Variants in GNAQ observed in about 807,000 individuals in gnomAD.
GNAQ encodes the protein G protein subunit alpha q.
In GNAQ, 8 loss-of-function variants were observed where a neutral mutation model predicts 43.9. That is an observed-to-expected ratio of 0.18 (90% CI 0.11 to 0.33). The LOEUF (loss-of-function observed/expected upper bound fraction) is 0.33, where lower values mean the gene tolerates loss of function less well. GNAQ is among the 10% of genes least tolerant of loss of function. The probability of loss-of-function intolerance (pLI) is 1.00; values close to 1 mark genes in which losing one functional copy is unlikely to be tolerated. For missense variants in GNAQ, 158 were observed against 450.8 expected (o/e 0.35, Z 5.88); for synonymous variants, 155 against 170.7 (o/e 0.91, Z 0.71).
At chr9:77,890,895 C>T (rs1828395450) in intron 2 of GNAQ, among the ~76,000 whole-genome samples, 1 of 152,102 alleles carries the variant, frequency 6.6e-6, no homozygotes, top group South Asian at 2.1e-4. Context: ...GCCTACAATC[C>T]CAGTAGGAGG....
intron 2 of GNAQ, among the ~76,000 whole-genome samples, chr9:77,851,904 T>C (rs1827679897): frequency 6.6e-6 from 1 of 152,232 alleles, no homozygotes; most frequent in Non-Finnish European, 1.5e-5. Context: ...TTATTTTTGC[T>C]GGCTTGAAAG....
chr9:77,910,509 T>C (rs1417232492), intron 2 of GNAQ, among the ~76,000 whole-genome samples: 1 of 152,216 alleles, frequency 6.6e-6, no homozygotes, highest in Non-Finnish European at 1.5e-5. Flanking sequence ...TTTTATATGG[T>C]GGCTGTCAAT....
chr9:77,891,201 TCATA>T (rs1279337575), intron 2 of GNAQ, among the ~76,000 whole-genome samples: 2 of 152,206 alleles, frequency 1.3e-5, no homozygotes, highest in Non-Finnish European at 2.9e-5. Context: ...TTATATATCC[TCATA>T]CATATTCTCA....
intron 2 of GNAQ, among the ~76,000 whole-genome samples, chr9:77,850,203 A>T (rs1443763432): frequency 6.6e-6 from 1 of 152,130 alleles, no homozygotes; most frequent in Non-Finnish European, 1.5e-5. Context: ...ACTACCCCTC[A>T]GAAGCTGGTT....
At chr9:77,994,730 C>T (rs978047008) in intron 1 of GNAQ, among the ~76,000 whole-genome samples, 1 of 152,192 alleles carries the variant, frequency 6.6e-6, no homozygotes, top group African/African-American at 2.4e-5. Context: ...CTTACTTTTA[C>T]TTCATTCGCC....
chr9:77,999,363 C>G (rs960627069), intron 1 of GNAQ, among the ~76,000 whole-genome samples: 7 of 152,174 alleles, frequency 4.6e-5, no homozygotes, highest in African/African-American at 1.7e-4. Context: ...TATTTAAATA[C>G]TTCCCCTCTC....
At chr9:77,949,360 T>C (rs1456227231) in intron 1 of GNAQ, among the ~76,000 whole-genome samples, 2 of 152,108 alleles carry the variant, frequency 1.3e-5, no homozygotes, top group Non-Finnish European at 2.9e-5. Flanking sequence ...GTGAGACAGA[T>C]TGTCACAGCA....
intron 1 of GNAQ, among the ~76,000 whole-genome samples, chr9:77,924,839 T>C (rs1829045432): frequency 6.6e-6 from 1 of 152,068 alleles, no homozygotes; most frequent in African/African-American, 2.4e-5. Context: ...CCAGGGATCC[T>C]TTCTCAACCA....
intron 1 of GNAQ, among the ~76,000 whole-genome samples, chr9:78,016,128 A>G (rs925378995): frequency 2.0e-5 from 3 of 152,212 alleles, no homozygotes; most frequent in African/African-American, 7.2e-5. Flanking sequence ...ACCTAAAACT[A>G]CAAAACTCTT....
At chr9:77,942,396 T>C (rs1366541978) in intron 1 of GNAQ, among the ~76,000 whole-genome samples, 3 of 152,220 alleles carry the variant, frequency 2.0e-5, no homozygotes, top group Admixed American at 2.0e-4. Context: ...TAGCAGAACA[T>C]GTTTTGGGTT....
At chr9:77,740,894 C>T (rs1323212543) in intron 5 of GNAQ, among the ~76,000 whole-genome samples, 1 of 152,096 alleles carries the variant, frequency 6.6e-6, no homozygotes, top group Admixed American at 6.5e-5. Context: ...GTAAATATTC[C>T]AGTTTGTTGG....
intron 5 of GNAQ, among the ~76,000 whole-genome samples, chr9:77,730,701 T>C (rs1281293196): frequency 6.6e-6 from 1 of 152,240 alleles, no homozygotes; most frequent in Non-Finnish European, 1.5e-5. Flanking sequence ...CATACATTTC[T>C]CTTTTATATA....
Position 77,721,176 on chromosome 9 carries a change from C to T in GNAQ, c.*147G>A. ...AGTTTAAATAAAATCATAATATTTA[C>T]TACAAACTCTGTGGACACGCTCACA... On this transcript the variant is annotated 3_prime_UTR_variant, in exon 7 of 7. Coordinates refer to ENST00000286548, the MANE Select transcript of GNAQ (RefSeq NM_002072.5). 1 of 556,660 alleles carries T rather than the reference C, an allele frequency of 1.8e-6. No homozygotes were observed. The highest frequency in any genetic ancestry group is 2.6e-5 in the South Asian group (1 of 38,426). 34.5% of individuals were successfully genotyped at this position (556,660 alleles called of 1,614,324 possible).
intron 6 of GNAQ, among the ~76,000 whole-genome samples, chr9:77,722,616 G>A (rs1322193699): frequency 6.7e-6 from 1 of 149,496 alleles, no homozygotes; most frequent in East Asian, 2.0e-4. Context: ...AAATAAATTG[G>A]ACTTCATCAA....
intron 1 of GNAQ, among the ~76,000 whole-genome samples, chr9:77,939,621 A>T (rs1408637476): frequency 6.6e-6 from 1 of 152,214 alleles, no homozygotes; most frequent in Non-Finnish European, 1.5e-5. Context: ...AAAACAGAAA[A>T]AATCCAAACC....
intron 3 of GNAQ, among the ~76,000 whole-genome samples, chr9:77,807,732 A>G (rs978507433): frequency 1.4e-4 from 21 of 152,192 alleles, no homozygotes; most frequent in Non-Finnish European, 1.5e-4. Flanking sequence ...TCTAAATAGC[A>G]TAAGCAGAAT....
At chr9:77,827,331 T>C (rs778991079) in intron 2 of GNAQ, among the ~76,000 whole-genome samples, 14 of 149,328 alleles carry the variant, frequency 9.4e-5, no homozygotes, top group African/African-American at 2.7e-4. Flanking sequence ...GCTAAAGTGA[T>C]TGGTGATGTA....
At chr9:77,820,087 C>CAAAA (rs3083136) in intron 2 of GNAQ, among the ~76,000 whole-genome samples, 2 of 104,992 alleles carry the variant, frequency 1.9e-5, no homozygotes, top group African/African-American at 4.1e-5. Context: ...ATTTAAAATG[C>CAAAA]AAAAAAAAAA....
rs151159907 is a variant in GNAQ, at chr9:77,796,001, T to G, written c.606-1409A>C. ...AATCCCCATGAAATGCTATGTTTTC[T>G]AAAAATATTTTGTAACATGGAGGAA... On this transcript the variant is annotated intron_variant, in intron 4 of 6. Coordinates refer to ENST00000286548, the MANE Select transcript of GNAQ (RefSeq NM_002072.5). 1.9e-3 allele frequency among the ~76,000 whole-genome samples: 297 copies of G among 152,346 alleles called. 1 individual carries two copies. The highest frequency in any genetic ancestry group is 6.6e-3 in the African/African-American group (276 of 41,588).
Sources: gnomAD v4.1 joint callset for allele counts (sites outside exome capture counted in the v4.1 genomes callset) on GRCh38, gnomAD v4.1.1 for gene constraint, MANE v1.5 for transcripts, NCBI Gene and HGNC (gene_info 2026-07-23, HGNC 2026-07-21) for gene names.